PLXNA2: variants seen among roughly 807,000 people sequenced by gnomAD.
The protein encoded by PLXNA2 is plexin-A2.
In PLXNA2, 91 loss-of-function variants were observed where a neutral mutation model predicts 193.5. That is an observed-to-expected ratio of 0.47 (90% confidence interval 0.40 to 0.56). The LOEUF is 0.56. Among genes scored for constraint, PLXNA2 ranks in the 20% least tolerant of loss-of-function variants. The probability of loss-of-function intolerance (pLI) is 0.00; values close to 1 mark genes in which losing one functional copy is unlikely to be tolerated. For missense variants in PLXNA2, 1,995 were observed against 2,503.2 expected (o/e 0.80, Z 4.33); for synonymous variants, 997 against 1,027.3 (o/e 0.97, Z 0.56).
At chr1:208,199,970 A>G (rs1670488678) in intron 3 of PLXNA2, among the ~76,000 whole-genome samples, 1 of 152,228 alleles carries the variant, frequency 6.6e-6, no homozygotes, top group Non-Finnish European at 1.5e-5. Flanking sequence ...ATCTTGCTTG[A>G]TAGCGTCAAT....
intron 13 of PLXNA2, among the ~76,000 whole-genome samples, chr1:208,060,073 C>T (rs1369011742): frequency 6.6e-6 from 1 of 152,128 alleles, no homozygotes; most frequent in Non-Finnish European, 1.5e-5. Flanking sequence ...GGGGTAGCCT[C>T]CCTTTTTCCA....
chr1:208,165,437 G>T (rs1208319085), intron 3 of PLXNA2, among the ~76,000 whole-genome samples: 9 of 152,156 alleles, frequency 5.9e-5, no homozygotes, highest in Admixed American at 1.3e-4. Context: ...GAGTTTATGA[G>T]ACTTGCCCAA....
Position 208,044,418 on chromosome 1 carries a change from G to A in PLXNA2, c.3874+90C>T, listed in dbSNP as rs537223633. The A allele has an allele frequency of 3.4e-5, 30 of 882,088 alleles. No homozygotes were observed. The highest frequency in any genetic ancestry group is 5.3e-5 in the Non-Finnish European group (29 of 542,088). The allele number at this position is 882,088 out of a possible 1,614,324, so 54.6% of individuals were successfully genotyped here. ...GCAGAGGCATGGCTGGCAGCGATGG[G>A]AGTAAAGATAGGAGTTGTCTGCAGG... is the stretch of plus-strand genomic sequence containing the variant. On this transcript the variant is annotated intron_variant, in intron 20 of 31. Coordinates refer to ENST00000367033, the MANE Select transcript of PLXNA2 (RefSeq NM_025179.4). This position sits in a 1 kb window ranked among gnomAD's most constrained non-coding sequence, Gnocchi z 4.9.
intron 2 of PLXNA2, among the ~76,000 whole-genome samples, chr1:208,211,363 G>A (rs940037694): frequency 6.6e-6 from 1 of 152,158 alleles, no homozygotes; most frequent in Non-Finnish European, 1.5e-5. Context: ...AGCAGCGACT[G>A]GAGCATGTTT....
intron 4 of PLXNA2, among the ~76,000 whole-genome samples, chr1:208,110,229 C>T (rs990546981): frequency 2.0e-5 from 3 of 152,244 alleles, no homozygotes; most frequent in African/African-American, 7.2e-5. Context: ...ACTCCATCCC[C>T]TTTGGCTCAG....
chr1:208,236,848 T>C lies in PLXNA2; in HGVS notation c.-81+6795A>G, dbSNP rs763475935. ...AAGACTACACATACCCACATCATTC[T>C]TGAAGATATAGAATCTCCAAGGTTT... On this transcript the variant is annotated intron_variant, in intron 1 of 31. Transcript: ENST00000367033. This position sits in a 1 kb window ranked among gnomAD's most constrained non-coding sequence, Gnocchi z 4.4. Among the ~76,000 whole-genome samples, 7 of 152,250 alleles carry C rather than the reference T, an allele frequency of 4.6e-5. No homozygotes were observed. Among genetic ancestry groups the C allele is most frequent in the Admixed American group, 1.3e-4 (2 of 15,294 alleles).
At chr1:208,068,392 T>C (rs1287151850) in intron 12 of PLXNA2, among the ~76,000 whole-genome samples, 1 of 152,210 alleles carries the variant, frequency 6.6e-6, no homozygotes, top group Non-Finnish European at 1.5e-5. Context: ...ATTTCTGGTT[T>C]GATTCCTCAT....
chr1:208,156,885 G>C (rs1001264602), intron 3 of PLXNA2, among the ~76,000 whole-genome samples: 6 of 152,176 alleles, frequency 3.9e-5, no homozygotes, highest in African/African-American at 1.2e-4. Flanking sequence ...AAACCAGCAA[G>C]CTTCCTTTTC....
Position 208,236,561 on chromosome 1 carries a change from G to A in PLXNA2, c.-81+7082C>T, listed in dbSNP as rs1671860072. ...CTGCTCCCTCTAACCCCTGCTCAAA[G>A]GTAAAAAGACCTGCCCATAGTCACA... On this transcript the variant is annotated intron_variant, in intron 1 of 31. Coordinates refer to ENST00000367033, the MANE Select transcript of PLXNA2 (RefSeq NM_025179.4). The surrounding 1 kb of genome is among the most constrained non-coding windows in gnomAD (Gnocchi z 4.4). 6.6e-6 allele frequency among the ~76,000 whole-genome samples: 1 copy of A among 152,156 alleles called. No individual in the cohort carries two copies. The highest frequency in any genetic ancestry group is 1.5e-5 in the Non-Finnish European group (1 of 68,038).
intron 4 of PLXNA2, among the ~76,000 whole-genome samples, chr1:208,114,177 T>C (rs972535256): frequency 6.6e-6 from 1 of 152,180 alleles, no homozygotes; most frequent in Non-Finnish European, 1.5e-5. Context: ...GAGCTCTAGT[T>C]TTTGCCTCTT....
intron 13 of PLXNA2, among the ~76,000 whole-genome samples, chr1:208,056,995 T>C (rs181547866): frequency 5.7e-4 from 87 of 151,882 alleles, no homozygotes; most frequent in African/African-American, 1.9e-3. Context: ...GGCTTGAAAA[T>C]ATTTGTTGCA....
chr1:208,172,188 A>G lies in PLXNA2; in HGVS notation c.1372-29725T>C, dbSNP rs531500011. 2.6e-5 allele frequency among the ~76,000 whole-genome samples: 4 copies of G among 151,980 alleles called. No homozygotes were observed. The East Asian group carries it at 7.9e-4, about 30-fold the overall frequency. On this transcript the variant is annotated intron_variant, in intron 3 of 31. Coordinates refer to ENST00000367033, the MANE Select transcript of PLXNA2 (RefSeq NM_025179.4). Reference sequence around the variant, plus strand: ...CAGCCTGAAGAGTGGCTCCAAAGGAAAGATGCACATATTGTTTGCAGACCT... The same window carrying G: ...CAGCCTGAAGAGTGGCTCCAAAGGAGAGATGCACATATTGTTTGCAGACCT...
intron 22 of PLXNA2, chr1:208,040,343 G>A (rs1463423722): frequency 2.1e-5 from 10 of 473,180 alleles, no homozygotes; most frequent in Non-Finnish European, 3.8e-5. Flanking sequence ...CTGAGACAGG[G>A]TCTGTGGATA....
At chr1:208,055,468 C>T (rs1453713046) in intron 13 of PLXNA2, among the ~76,000 whole-genome samples, 1 of 152,000 alleles carries the variant, frequency 6.6e-6, no homozygotes, top group Non-Finnish European at 1.5e-5. Context: ...AATGGTCGGG[C>T]CTGGGCTGGG....
At position 208,045,040 on chromosome 1, in the gene PLXNA2, G is replaced by C. The variant is rs1339413167; in HGVS notation, c.3639+27C>G. 2 of 1,613,700 alleles carry C rather than the reference G, an allele frequency of 1.2e-6. 1 individual carries two copies. The highest frequency in any genetic ancestry group is 2.2e-5 in the South Asian group (2 of 91,054). On this transcript the variant is annotated intron_variant, in intron 19 of 31. Coordinates refer to ENST00000367033, the MANE Select transcript of PLXNA2 (RefSeq NM_025179.4). Reference sequence around the variant, plus strand: ...CACATGCACCACGAGGCGGGAAGGAGGCATTACAGACGCAGGGCTCACTCA... The same window carrying C: ...CACATGCACCACGAGGCGGGAAGGACGCATTACAGACGCAGGGCTCACTCA...
chr1:208,206,889 G>A (rs527895943), intron 3 of PLXNA2, among the ~76,000 whole-genome samples: 2 of 148,982 alleles, frequency 1.3e-5, no homozygotes, highest in South Asian at 4.2e-4. Flanking sequence ...TCAGCCTCCT[G>A]AGTAGCTGGG....
chr1:208,049,471 C>T (rs369253375), intron 17 of PLXNA2, among the ~76,000 whole-genome samples: 52 of 152,100 alleles, frequency 3.4e-4, no homozygotes, highest in African/African-American at 1.2e-3. Flanking sequence ...AGTTCTACAC[C>T]TGGCAGAAGG....
intron 3 of PLXNA2, among the ~76,000 whole-genome samples, chr1:208,184,158 G>C (rs1669929044): frequency 6.6e-6 from 1 of 152,142 alleles, no homozygotes; most frequent in Non-Finnish European, 1.5e-5. Context: ...ATGATAGCCT[G>C]CTCCTTAGGA....
At chr1:208,136,112 G>A (rs1668293501) in intron 4 of PLXNA2, among the ~76,000 whole-genome samples, 1 of 152,156 alleles carries the variant, frequency 6.6e-6, no homozygotes, top group South Asian at 2.1e-4. Context: ...GACATGTAGG[G>A]GGAGAAGCTT....
Sources: allele counts gnomAD v4.1 joint callset (sites outside exome capture counted in the v4.1 genomes callset), GRCh38; gene constraint gnomAD v4.1.1; non-coding constraint Gnocchi (gnomAD v3.1); transcripts MANE v1.5; gene names NCBI Gene and HGNC (gene_info 2026-07-23, HGNC 2026-07-21).